Variants in SDK1 observed in about 807,000 individuals in gnomAD.
The protein encoded by SDK1 is sidekick cell adhesion molecule 1, also known as protein sidekick-1.
A neutral mutation model predicts 245.5 loss-of-function variants in SDK1; 157 were observed. That is an observed-to-expected ratio of 0.64 (90% CI 0.56 to 0.73). The LOEUF is 0.73. Ranked by LOEUF, SDK1 falls within the 30% of genes least tolerant of loss-of-function variation. The pLI is 0.00. For synonymous variants in SDK1, 1,647 were observed against 1,278.5 expected (o/e 1.29, Z -6.15); for missense variants, 3,583 against 3,002.3 (o/e 1.19, Z -4.52).
chr7:4,030,424 G>A (rs551090537), intron 17 of SDK1, among the ~76,000 whole-genome samples: 13 of 152,322 alleles, frequency 8.5e-5, no homozygotes, highest in Middle Eastern at 3.4e-3. Flanking sequence ...ACGAGTTGAC[G>A]TAAGGAGCAG....
At chr7:3,654,530 C>G (rs1783103131) in intron 4 of SDK1, among the ~76,000 whole-genome samples, 1 of 149,816 alleles carries the variant, frequency 6.7e-6, no homozygotes, top group Non-Finnish European at 1.5e-5. Context: ...TGGGCTGTTG[C>G]CCACAGTAAG....
intron 1 of SDK1, among the ~76,000 whole-genome samples, chr7:3,302,887 A>G (rs1779316072): frequency 6.6e-6 from 1 of 152,216 alleles, no homozygotes; most frequent in East Asian, 1.9e-4. Context: ...TGAGAGCATT[A>G]AACTTAAATT....
intron 1 of SDK1, among the ~76,000 whole-genome samples, chr7:3,608,791 G>A (rs149385369): frequency 1.1e-3 from 175 of 152,302 alleles, no homozygotes; most frequent in African/African-American, 3.9e-3. Context: ...TTCAGAGTCC[G>A]CGTTGCAACT....
chr7:4,047,256 T>G (rs1562724097), intron 17 of SDK1, among the ~76,000 whole-genome samples: 1 of 152,350 alleles, frequency 6.6e-6, no homozygotes, highest in African/African-American at 2.4e-5. Flanking sequence ...GATGTTCATA[T>G]GTTTTTCTAT....
chr7:3,323,941 G>T (rs1335361907), intron 1 of SDK1, among the ~76,000 whole-genome samples: 1 of 152,026 alleles, frequency 6.6e-6, no homozygotes, highest in Admixed American at 6.5e-5. Flanking sequence ...TGATTGCAGG[G>T]TTTCTATTAC....
chr7:3,924,942 C>G (rs932046797), intron 5 of SDK1, among the ~76,000 whole-genome samples: 1 of 152,154 alleles, frequency 6.6e-6, no homozygotes, highest in African/African-American at 2.4e-5. Context: ...TCATTTTCCC[C>G]CAGCTGGAGG....
At chr7:3,584,877 T>C (rs1011216890) in intron 1 of SDK1, among the ~76,000 whole-genome samples, 4 of 151,924 alleles carry the variant, frequency 2.6e-5, no homozygotes, top group Non-Finnish European at 5.9e-5. Flanking sequence ...GTGCCTGCCA[T>C]CACACCTGGC....
chr7:4,041,406 C>T (rs1218924890), intron 17 of SDK1, among the ~76,000 whole-genome samples: 1 of 152,098 alleles, frequency 6.6e-6, no homozygotes, highest in East Asian at 1.9e-4. Flanking sequence ...CAGCATCCCC[C>T]ACCAGAGTGG....
chr7:3,946,173 C>T (rs1272268755), intron 5 of SDK1, among the ~76,000 whole-genome samples: 3 of 150,016 alleles, frequency 2.0e-5, no homozygotes, highest in Non-Finnish European at 3.0e-5. Context: ...CACTTAGACA[C>T]GTTTTATTTT....
At chr7:3,374,364 C>T (rs967158762) in intron 1 of SDK1, among the ~76,000 whole-genome samples, 5 of 152,196 alleles carry the variant, frequency 3.3e-5, no homozygotes, top group Admixed American at 2.0e-4. Flanking sequence ...GCTGTGGTTA[C>T]ACAAAATATT....
At chr7:3,926,596 C>T (rs1458288240) in intron 5 of SDK1, among the ~76,000 whole-genome samples, 9 of 152,080 alleles carry the variant, frequency 5.9e-5, no homozygotes, top group Non-Finnish European at 1.2e-4. Flanking sequence ...CCAGGCTGGT[C>T]TCGAACTCCT....
intron 1 of SDK1, among the ~76,000 whole-genome samples, chr7:3,575,728 T>C (rs941738925): frequency 2.0e-5 from 3 of 152,068 alleles, no homozygotes; most frequent in Non-Finnish European, 4.4e-5. Flanking sequence ...TCTTCATTTT[T>C]TTTGTTCTCC....
chr7:4,242,198 G>A (rs1306595791), intron 43 of SDK1, among the ~76,000 whole-genome samples: 3 of 152,196 alleles, frequency 2.0e-5, no homozygotes, highest in African/African-American at 7.2e-5. Context: ...TGCCAGGCTG[G>A]CCTTCTGTGT....
At chr7:3,621,056 AAG>A (rs1781923315) in intron 2 of SDK1, among the ~76,000 whole-genome samples, 2 of 152,108 alleles carry the variant, frequency 1.3e-5, no homozygotes, top group African/African-American at 4.8e-5. Flanking sequence ...CGTAAGTGAA[AAG>A]AGAGTGACGT....
At chr7:3,365,544 A>G (rs1337494703) in intron 1 of SDK1, among the ~76,000 whole-genome samples, 6 of 152,228 alleles carry the variant, frequency 3.9e-5, no homozygotes, top group Non-Finnish European at 5.9e-5. Flanking sequence ...CACTGAAAAT[A>G]GTGATTTCTT....
chr7:3,613,243 C>T (rs1781662239), intron 1 of SDK1, among the ~76,000 whole-genome samples: 1 of 152,130 alleles, frequency 6.6e-6, no homozygotes, highest in Admixed American at 6.5e-5. Flanking sequence ...AGGTAGTAGG[C>T]TCCAGCTGCT....
chr7:3,369,940 C>T (rs1393431550), intron 1 of SDK1, among the ~76,000 whole-genome samples: 4 of 152,208 alleles, frequency 2.6e-5, no homozygotes, highest in Non-Finnish European at 4.4e-5. Flanking sequence ...GCCCTAGGCA[C>T]AGGCAGCCTG....
At chr7:4,118,282 C>T (rs2128193380) in intron 25 of SDK1, among the ~76,000 whole-genome samples, 1 of 152,288 alleles carries the variant, frequency 6.6e-6, no homozygotes, top group South Asian at 2.1e-4. Flanking sequence ...ATAGACATTC[C>T]TCCCAAGGAG....
chr7:3,856,434 G>C (rs1780546879), intron 5 of SDK1, among the ~76,000 whole-genome samples: 2 of 134,340 alleles, frequency 1.5e-5, no homozygotes, highest in African/African-American at 5.6e-5. Context: ...TGACTAACAA[G>C]ACTAACTTCA....
Sources: gnomAD v4.1 joint callset for allele counts (sites outside exome capture counted in the v4.1 genomes callset) on GRCh38, gnomAD v4.1.1 for gene constraint, MANE v1.5 for transcripts, NCBI Gene and HGNC (gene_info 2026-07-23, HGNC 2026-07-21) for gene names.